Variants in GALNT1 observed in about 807,000 individuals in gnomAD.
GALNT1 encodes the protein GalNAc transferase 1.
In GALNT1, 17 loss-of-function variants were observed where a neutral mutation model predicts 65.7. That is an observed-to-expected ratio of 0.26 (90% CI 0.18 to 0.39). The LOEUF (loss-of-function observed/expected upper bound fraction) is 0.39, where lower values mean the gene tolerates loss of function less well. Among genes scored for constraint, GALNT1 ranks in the 10% least tolerant of loss-of-function variants. The pLI, the probability that GALNT1 is intolerant of heterozygous loss-of-function variation, is 1.00. For synonymous variants in GALNT1, 210 were observed against 219.7 expected (o/e 0.96, Z 0.39); for missense variants, 460 against 672.8 (o/e 0.68, Z 3.50).
intron 1 of GALNT1, among the ~76,000 whole-genome samples, chr18:35,587,996 G>A (rs2046397801): frequency 6.6e-6 from 1 of 152,078 alleles, no homozygotes; most frequent in Admixed American, 6.6e-5. Flanking sequence ...ATTCCATTTT[G>A]GTTGGAGAGC....
intron 5 of GALNT1, among the ~76,000 whole-genome samples, chr18:35,684,093 G>A (rs549804): frequency 0.62 from 94,149 of 152,080 alleles, 29,622 homozygotes; most frequent in Middle Eastern, 0.72. Context: ...ATGAACACCT[G>A]TGGTTATAGT....
At chr18:35,698,840 G>A (rs1303043097) in intron 9 of GALNT1, among the ~76,000 whole-genome samples, 2 of 152,040 alleles carry the variant, frequency 1.3e-5, no homozygotes, top group African/African-American at 2.4e-5. Context: ...TAAATTAGCC[G>A]GGCATGGTGG....
chr18:35,638,463 A>ACC (rs1320956990), intron 1 of GALNT1, among the ~76,000 whole-genome samples: 1 of 149,434 alleles, frequency 6.7e-6, no homozygotes, highest in African/African-American at 2.5e-5. Context: ...CCCCTTCCCC[A>ACC]CCCCACACAC....
intron 1 of GALNT1, among the ~76,000 whole-genome samples, chr18:35,617,109 C>G (rs1277623783): frequency 6.6e-6 from 1 of 152,120 alleles, no homozygotes; most frequent in South Asian, 2.1e-4. Context: ...ACAGCTCCCC[C>G]CTCCATTTCC....
intron 4 of GALNT1, among the ~76,000 whole-genome samples, chr18:35,681,974 A>G (rs560354442): frequency 1.8e-4 from 27 of 152,290 alleles, no homozygotes; most frequent in Admixed American, 1.4e-3. Flanking sequence ...GAGATAAAAT[A>G]TATAATGAGA....
intron 3 of GALNT1, among the ~76,000 whole-genome samples, chr18:35,666,674 A>T (rs932634199): frequency 2.6e-5 from 4 of 152,194 alleles, no homozygotes; most frequent in African/African-American, 9.7e-5. Flanking sequence ...GTGCATTGTA[A>T]GTCACCAGTT....
At chr18:35,619,073 TA>T (rs1047140663) in intron 1 of GALNT1, among the ~76,000 whole-genome samples, 3 of 152,100 alleles carry the variant, frequency 2.0e-5, no homozygotes, top group African/African-American at 7.2e-5. Context: ...ACTGATTAGT[TA>T]AGGAAAAAAG....
intron 1 of GALNT1, among the ~76,000 whole-genome samples, chr18:35,625,091 T>A (rs1225081785): frequency 6.6e-6 from 1 of 152,244 alleles, no homozygotes; most frequent in Non-Finnish European, 1.5e-5. Context: ...AGATGCTGTC[T>A]TGTAGATTAG....
intron 1 of GALNT1, among the ~76,000 whole-genome samples, chr18:35,599,366 C>CCTTTTTTTTTTTT (rs61028491): frequency 1.6e-5 from 2 of 122,758 alleles, no homozygotes; most frequent in African/African-American, 6.3e-5. Flanking sequence ...GAGATTTACA[C>CCTTTTTTTTTTTT]TTTTTTTTTT....
At chr18:35,614,196 A>G (rs2046754023) in intron 1 of GALNT1, among the ~76,000 whole-genome samples, 1 of 152,208 alleles carries the variant, frequency 6.6e-6, no homozygotes, top group Admixed American at 6.5e-5. Context: ...GCAAAAGACT[A>G]TCAAAAATAA....
chr18:35,652,383 C>A (rs1239272919), intron 1 of GALNT1, among the ~76,000 whole-genome samples: 1 of 152,188 alleles, frequency 6.6e-6, no homozygotes, highest in East Asian at 1.9e-4. Context: ...GGTCTGTTTT[C>A]TGCAGTATGT....
At position 35,621,476 on chromosome 18, in the gene GALNT1, A is replaced by G. The variant is rs1051300625; in HGVS notation, c.-103-33084A>G. Among the ~76,000 whole-genome samples the G allele has an allele frequency of 1.3e-4, 17 of 126,932 alleles. 3 individuals carry two copies. Among genetic ancestry groups the G allele is most frequent in the African/African-American group, 6.7e-5 (2 of 29,634 alleles). 83.3% of individuals were successfully genotyped at this position (126,932 alleles called of 152,430 possible). On this transcript the variant is annotated intron_variant, in intron 1 of 11. Coordinates refer to ENST00000269195, the MANE Select transcript of GALNT1 (RefSeq NM_020474.4). ...TACAATGCTAGGATTATAGACATGAATCACCGCAATTGGTCTGTTGTTTGT... is the reference window on the plus strand; with the variant it reads ...TACAATGCTAGGATTATAGACATGAGTCACCGCAATTGGTCTGTTGTTTGT...
Position 35,689,280 on chromosome 18 carries a change from T to C in GALNT1, c.968T>C (p.Ile323Thr). Residue 323 changes from isoleucine to threonine, a missense_variant, in exon 7 of 12, where the codon ATT (isoleucine) becomes ACT (threonine). Transcript: ENST00000269195. ...ATTTGGGGAGGAGAAAACCTAGAAA[T>C]TTCCTTTAGGGTAAGTTCCCTTAAA... ...MDIWGGENLEISFRIWQCGGT... is the reference protein window; with the variant it reads ...MDIWGGENLETSFRIWQCGGT... 6.3e-7 allele frequency: 1 copy of C among 1,595,178 alleles called. No homozygotes were observed. The highest frequency in any genetic ancestry group is 8.6e-7 in the Non-Finnish European group (1 of 1,167,708).
At chr18:35,679,861 T>C (rs759969977) in intron 4 of GALNT1, among the ~76,000 whole-genome samples, 19 of 152,304 alleles carry the variant, frequency 1.2e-4, no homozygotes, top group Non-Finnish European at 2.5e-4. Flanking sequence ...CATCTGCTTT[T>C]TTTCCTATTC....
At chr18:35,589,990 G>T (rs932058600) in intron 1 of GALNT1, among the ~76,000 whole-genome samples, 1 of 152,208 alleles carries the variant, frequency 6.6e-6, no homozygotes, top group Non-Finnish European at 1.5e-5. Context: ...GTGAGTGCCA[G>T]TTTGCCATCT....
intron 1 of GALNT1, among the ~76,000 whole-genome samples, chr18:35,612,883 T>G (rs1598783950): frequency 6.6e-6 from 1 of 150,984 alleles, no homozygotes; most frequent in Non-Finnish European, 1.5e-5. Flanking sequence ...AAAAAATCCG[T>G]AGGCAGCTCT....
chr18:35,664,540 A>C (rs1327789822), intron 3 of GALNT1: 2 of 152,248 alleles, frequency 1.3e-5, no homozygotes, highest in Non-Finnish European at 2.9e-5. Context: ...TGGAGGACTT[A>C]AGTGCCCATT....
intron 5 of GALNT1, among the ~76,000 whole-genome samples, chr18:35,683,939 T>A (rs796088015): frequency 1.1e-4 from 16 of 152,348 alleles, no homozygotes; most frequent in African/African-American, 3.8e-4. Context: ...ACTCTAAAGC[T>A]AATGCTGGAG....
intron 1 of GALNT1, among the ~76,000 whole-genome samples, chr18:35,582,210 A>G (rs1363502470): frequency 6.6e-6 from 1 of 152,142 alleles, no homozygotes; most frequent in Non-Finnish European, 1.5e-5. Flanking sequence ...CCGCGGTGCC[A>G]GCCTGACCCT....
Sources: gnomAD v4.1 joint callset for allele counts (sites outside exome capture counted in the v4.1 genomes callset) on GRCh38, gnomAD v4.1.1 for gene constraint, MANE v1.5 for transcripts, NCBI Gene and HGNC (gene_info 2026-07-23, HGNC 2026-07-21) for gene names.